The following NCAM1 variants were observed in gnomAD, a reference collection of about 807,000 sequenced individuals.
NCAM1 encodes the protein neural cell adhesion molecule 1, also known as antigen recognized by monoclonal antibody 5.1H11.
A neutral mutation model predicts 109.8 loss-of-function variants in NCAM1; 14 were observed. The observed-to-expected ratio is 0.13, with a 90% CI of 0.08 to 0.20. The LOEUF is 0.20. Ranked by LOEUF, NCAM1 falls within the 10% of genes least tolerant of loss-of-function variation. NCAM1 has a pLI of 1.00. For missense variants in NCAM1, 774 were observed against 1,109.9 expected (o/e 0.70, Z 4.30); for synonymous variants, 418 against 442.9 (o/e 0.94, Z 0.70).
chr11:113,225,735 C>A (rs1309731785), intron 9 of NCAM1, among the ~76,000 whole-genome samples: 1 of 152,186 alleles, frequency 6.6e-6, no homozygotes, highest in Non-Finnish European at 1.5e-5. Context: ...GCTGATCGCT[C>A]GGCAGAAATT....
chr11:113,195,495 A>AT (rs561856662), intron 1 of NCAM1, among the ~76,000 whole-genome samples: 2,841 of 85,586 alleles, frequency 0.033, 90 homozygotes, highest in Non-Finnish European at 0.038. Flanking sequence ...CCCTTAGTAG[A>AT]TTTTTTTTTT....
In NCAM1 at chr11:113,276,780, T is replaced by G. The variant is rs550421830; in HGVS notation, c.*1393T>G. On this transcript the variant is annotated 3_prime_UTR_variant, in exon 20 of 20. Transcript: ENST00000316851. ...ACTGTCTGGAGTCATAACACAACTT[T>G]CCTGGATTGGAAACCAAGTGGGGGA... The G allele has an allele frequency of 7.2e-6, 1 of 139,094 alleles. No homozygotes were observed. The highest frequency in any genetic ancestry group is 2.7e-5 in the African/African-American group (1 of 37,640). The allele number at this position is 139,094 out of a possible 1,614,324, so 8.6% of individuals were successfully genotyped here. A position where few individuals can be genotyped will look rare whatever the true frequency, so the allele number is the denominator to read the frequency against.
At chr11:113,019,987 C>T (rs186808920) in intron 1 of NCAM1, among the ~76,000 whole-genome samples, 2 of 152,314 alleles carry the variant, frequency 1.3e-5, no homozygotes, top group Admixed American at 6.5e-5. Context: ...TGTTGCTTCA[C>T]ATTTCACTTC....
At chr11:113,098,213 A>G (rs1352527227) in intron 1 of NCAM1, among the ~76,000 whole-genome samples, 2 of 152,176 alleles carry the variant, frequency 1.3e-5, no homozygotes, top group Non-Finnish European at 2.9e-5. Context: ...GCATGGAATC[A>G]ACAAATAAGC....
At chr11:113,061,276 T>TAA (rs1331534704) in intron 1 of NCAM1, among the ~76,000 whole-genome samples, 4 of 150,464 alleles carry the variant, frequency 2.7e-5, no homozygotes, top group African/African-American at 7.3e-5. Context: ...ATTCTATGTT[T>TAA]AAAAAAAAAA....
At chr11:113,072,684 T>C (rs2135578510) in intron 1 of NCAM1, among the ~76,000 whole-genome samples, 1 of 152,140 alleles carries the variant, frequency 6.6e-6, no homozygotes, top group East Asian at 1.9e-4. Context: ...TGACTCAGTA[T>C]GCATACTTGA....
chr11:112,996,302 G>A (rs721496), intron 1 of NCAM1, among the ~76,000 whole-genome samples: 39,947 of 152,016 alleles, frequency 0.26, 5,731 homozygotes, highest in East Asian at 0.53. Context: ...TTTAACATGA[G>A]CTCTACCCTC....
chr11:113,072,259 G>A (rs1467810183), intron 1 of NCAM1, among the ~76,000 whole-genome samples: 2 of 152,154 alleles, frequency 1.3e-5, no homozygotes, highest in East Asian at 1.9e-4. Flanking sequence ...TATTAATAAA[G>A]ACAAAAATTG....
intron 1 of NCAM1, among the ~76,000 whole-genome samples, chr11:112,970,869 A>G (rs942428481): frequency 6.6e-6 from 1 of 152,200 alleles, no homozygotes; most frequent in Non-Finnish European, 1.5e-5. Flanking sequence ...GATGTTAGAA[A>G]TAACAAAGCA....
intron 1 of NCAM1, among the ~76,000 whole-genome samples, chr11:112,990,192 C>A (rs1445931551): frequency 2.0e-5 from 3 of 152,190 alleles, no homozygotes; most frequent in African/African-American, 7.2e-5. Context: ...CTGTAGAGAG[C>A]AGGCTTGATT....
chr11:113,114,129 T>C (rs1368964392), intron 1 of NCAM1, among the ~76,000 whole-genome samples: 1 of 152,236 alleles, frequency 6.6e-6, no homozygotes, highest in Non-Finnish European at 1.5e-5. Context: ...GGTGGTTTTG[T>C]GGAGAATTAT....
intron 1 of NCAM1, among the ~76,000 whole-genome samples, chr11:113,048,521 G>T (rs544326259): frequency 1.8e-4 from 28 of 152,274 alleles, no homozygotes; most frequent in African/African-American, 6.7e-4. Flanking sequence ...ACATTTTGTT[G>T]GTAGCTTTAC....
intron 1 of NCAM1, among the ~76,000 whole-genome samples, chr11:113,184,024 G>A (rs1164330508): frequency 3.9e-5 from 6 of 152,190 alleles, no homozygotes; most frequent in African/African-American, 1.4e-4. Context: ...AATGGAAAGG[G>A]CATCTGCACT....
chr11:113,159,069 G>A (rs1243175960), intron 1 of NCAM1, among the ~76,000 whole-genome samples: 2 of 152,166 alleles, frequency 1.3e-5, no homozygotes, highest in Non-Finnish European at 2.9e-5. Context: ...TAGATACAGT[G>A]TAGACCTTTA....
chr11:113,011,258 C>A (rs1238097785), intron 1 of NCAM1, among the ~76,000 whole-genome samples: 3 of 146,012 alleles, frequency 2.1e-5, no homozygotes, highest in Non-Finnish European at 4.5e-5. Flanking sequence ...TGATGATTTC[C>A]AATTTCATCC....
intron 1 of NCAM1, among the ~76,000 whole-genome samples, chr11:112,990,239 C>G (rs1187886980): frequency 6.6e-6 from 1 of 152,126 alleles, no homozygotes; most frequent in Admixed American, 6.5e-5. Flanking sequence ...TCTCTGGGTC[C>G]CTGGGACATC....
At chr11:113,252,091 A>G (rs1591460707) in intron 15 of NCAM1, among the ~76,000 whole-genome samples, 1 of 152,330 alleles carries the variant, frequency 6.6e-6, no homozygotes, top group East Asian at 1.9e-4. Flanking sequence ...AATCTCTGTG[A>G]TATTAGTTGA....
rs376419004 is a variant in NCAM1 at position 113,250,555 on chromosome 11, A to G, written c.1828+4185A>G. ...TTTCAAAAACTAAGTGTAAAAAGGTATATATAACACAAGTTTCAAATTGCT... is the reference window on the plus strand; with the variant it reads ...TTTCAAAAACTAAGTGTAAAAAGGTGTATATAACACAAGTTTCAAATTGCT... On this transcript the variant is annotated intron_variant, in intron 15 of 19. Transcript: ENST00000316851. Among the ~76,000 whole-genome samples, 46 of 152,378 alleles carry G rather than the reference A, an allele frequency of 3.0e-4. No homozygotes were observed. In the South Asian group the frequency reaches 9.5e-3, roughly 32 times the overall value.
intron 1 of NCAM1, among the ~76,000 whole-genome samples, chr11:113,018,196 AC>A (rs1952268564): frequency 6.6e-6 from 1 of 151,932 alleles, no homozygotes; most frequent in Non-Finnish European, 1.5e-5. Flanking sequence ...AAAAAAACAC[AC>A]ACATTACACA....
Sources: gnomAD v4.1 joint callset for allele counts (sites outside exome capture counted in the v4.1 genomes callset) on GRCh38, gnomAD v4.1.1 for gene constraint, MANE v1.5 for transcripts, NCBI Gene and HGNC (gene_info 2026-07-23, HGNC 2026-07-21) for gene names.